ATP6V0A4: variants seen among roughly 807,000 people sequenced by gnomAD.
The protein encoded by ATP6V0A4 is V-type proton ATPase 116 kDa subunit a 4.
Under a neutral mutation model 107.3 loss-of-function variants are expected in ATP6V0A4, and 86 were observed. The observed-to-expected ratio is 0.80, with a 90% CI of 0.67 to 0.96. The LOEUF (loss-of-function observed/expected upper bound fraction) is 0.96, where lower values mean the gene tolerates loss of function less well. ATP6V0A4 is among the 40% of genes least tolerant of loss of function. The pLI is 0.00. For missense variants in ATP6V0A4, 908 were observed against 1,045.6 expected, an observed-to-expected ratio of 0.87 and a Z score of 1.81; for synonymous variants, 353 against 381.4, an observed-to-expected ratio of 0.93 and a Z score of 0.87.
intron 2 of ATP6V0A4, 25 bp from the exon 3 acceptor site, chr7:138,771,289 T>A (rs1383031786): frequency 6.2e-7 from 1 of 1,609,916 alleles, no homozygotes; most frequent in Non-Finnish European, 8.5e-7. Flanking sequence ...GAAAAAGATA[T>A]TAATATTTAA....
chr7:138,770,291 A>G lies in ATP6V0A4; in HGVS notation c.117+840T>C, dbSNP rs1186239674. Among the ~76,000 whole-genome samples, 3 of 152,170 alleles carry G rather than the reference A, an allele frequency of 2.0e-5. No individual in the cohort carries two copies. In the East Asian group the frequency reaches 5.8e-4, roughly 29 times the overall value. On this transcript the variant is annotated intron_variant, in intron 3 of 21. Coordinates refer to ENST00000310018, the MANE Select transcript of ATP6V0A4 (RefSeq NM_020632.3). ...AGGAAGAAAGGAAGGAAGGAAGGAAAGGAAGTCTGTCCTCATCTAAGTTTA... is the reference window on the plus strand; with the variant it reads ...AGGAAGAAAGGAAGGAAGGAAGGAAGGGAAGTCTGTCCTCATCTAAGTTTA...
Position 138,709,657 on chromosome 7 carries a change from A to G in ATP6V0A4, c.2396T>C (p.Leu799Pro), listed in dbSNP as rs1803633271. The change falls in exon 21 of 22, where the codon CTC (leucine) becomes CCC (proline). Residue 799 changes from leucine (L) to proline (P), a missense_variant. Transcript: ENST00000310018. ...TCGCAGGGCGTGCAGGAAAGCAGAGAGGCCCTCCATGATCAGAAGGATGGC... is the reference window on the plus strand; with the variant it reads ...TCGCAGGGCGTGCAGGAAAGCAGAGGGGCCCTCCATGATCAGAAGGATGGC... ...TVAILLIMEGLSAFLHALRLH... is the reference protein window; with the variant it reads ...TVAILLIMEGPSAFLHALRLH... The G allele has an allele frequency of 2.5e-6, 4 of 1,613,272 alleles. No individual in the cohort carries two copies. In the Admixed American group the frequency reaches 5.0e-5, roughly 20 times the overall value.
At chr7:138,723,069 A>AG (rs1554390973) in intron 18 of ATP6V0A4, among the ~76,000 whole-genome samples, 55 of 151,738 alleles carry the variant, frequency 3.6e-4, no homozygotes, top group Non-Finnish European at 3.7e-4. Context: ...AAAAAAAAAA[A>AG]AAAGAAAAAT....
chr7:138,755,668 G>A (rs1285035481), intron 10 of ATP6V0A4, 21 bp downstream of exon 10: 3 of 1,613,162 alleles, frequency 1.9e-6, no homozygotes, highest in Non-Finnish European at 2.5e-6. Context: ...ATCAGACCAT[G>A]CGCCCAAACC....
At chr7:138,780,861 T>C (rs1807886544) in intron 2 of ATP6V0A4, among the ~76,000 whole-genome samples, 3 of 151,934 alleles carry the variant, frequency 2.0e-5, no homozygotes, top group African/African-American at 7.3e-5. Context: ...TCCGAGATCA[T>C]GCCTCTGCAC....
At chr7:138,762,870 C>G in intron 6 of ATP6V0A4, 30 bp downstream of exon 6, 2 of 1,611,090 alleles carry the variant, frequency 1.2e-6, no homozygotes, top group Non-Finnish European at 1.7e-6. Flanking sequence ...GAGGAACGGG[C>G]CCTTTAGTAA....
chr7:138,720,838 T>G (rs1804391091), intron 19 of ATP6V0A4, among the ~76,000 whole-genome samples: 1 of 152,122 alleles, frequency 6.6e-6, no homozygotes, highest in African/African-American at 2.4e-5. Context: ...GGTTTCACCA[T>G]GTTGACCAGG....
intron 5 of ATP6V0A4, among the ~76,000 whole-genome samples, chr7:138,768,063 A>G (rs1435394017): frequency 1.3e-5 from 2 of 152,108 alleles, no homozygotes; most frequent in Admixed American, 1.3e-4. Flanking sequence ...CCTCCCAAGT[A>G]GCTGGGATTA....
intron 5 of ATP6V0A4, among the ~76,000 whole-genome samples, chr7:138,766,453 G>C (rs754226502): frequency 1.3e-5 from 2 of 151,864 alleles, no homozygotes; most frequent in African/African-American, 4.8e-5. Flanking sequence ...CAATACACCC[G>C]CCTTGGCTTC....
chr7:138,728,717 C>T (rs1229208639), intron 18 of ATP6V0A4, 44 bp downstream of exon 18: 2 of 1,612,358 alleles, frequency 1.2e-6, no homozygotes, highest in Non-Finnish European at 1.7e-6. Context: ...CAGAAACCCA[C>T]ATTCTTATGC....
chr7:138,710,626 C>T (rs6967352), intron 20 of ATP6V0A4, among the ~76,000 whole-genome samples: 2,209 of 152,246 alleles, frequency 0.015, 35 homozygotes, highest in East Asian at 0.066. Context: ...GATTGAAATC[C>T]TAACCACATT....
At chr7:138,792,762 GTTTGTTTTTTTT>G (rs1563025219) in intron 1 of ATP6V0A4, among the ~76,000 whole-genome samples, 2 of 73,802 alleles carry the variant, frequency 2.7e-5, no homozygotes, top group Non-Finnish European at 5.1e-5. Flanking sequence ...CCAAACTCAG[GTTTGTTTTTTTT>G]TTTGTTGTTT....
At chr7:138,792,775 T>TG (rs1022069449) in intron 1 of ATP6V0A4, among the ~76,000 whole-genome samples, 5 of 35,058 alleles carry the variant, frequency 1.4e-4, no homozygotes, top group African/African-American at 4.7e-4. Context: ...TGTTTTTTTT[T>TG]TTGTTGTTTT....
Position 138,773,261 on chromosome 7 carries a change from T to C in ATP6V0A4, c.-17-1997A>G, listed in dbSNP as rs1261306787. Among the ~76,000 whole-genome samples, 1 of 152,118 alleles carries C rather than the reference T, an allele frequency of 6.6e-6. No homozygotes were observed. The highest frequency in any genetic ancestry group is 2.4e-5 in the African/African-American group (1 of 41,424). On this transcript the variant is annotated intron_variant, in intron 2 of 21. Coordinates refer to ENST00000310018, the MANE Select transcript of ATP6V0A4 (RefSeq NM_020632.3). This position sits in a 1 kb window ranked among gnomAD's most constrained non-coding sequence, Gnocchi z 5.4. ...GGCCTCTCCAGGGACCCTGCATTTC[T>C]CCCAGCTCCCACCCCCTTCAGGCCC...
chr7:138,719,030 CA>C (rs1369009037), intron 19 of ATP6V0A4, among the ~76,000 whole-genome samples: 1 of 151,596 alleles, frequency 6.6e-6, no homozygotes, highest in African/African-American at 2.4e-5. Flanking sequence ...ACCAAAAATT[CA>C]AAAAATTAGG....
intron 21 of ATP6V0A4, among the ~76,000 whole-genome samples, chr7:138,707,336 A>ATTTAT (rs1554386005): frequency 1.5e-5 from 1 of 66,826 alleles, no homozygotes; most frequent in Non-Finnish European, 2.8e-5. Context: ...TTATATTTAT[A>ATTTAT]ATATATATAT....
chr7:138,728,615 G>C, intron 18 of ATP6V0A4, 146 bp downstream of exon 18: 1 of 1,123,858 alleles, frequency 8.9e-7, no homozygotes, highest in Non-Finnish European at 1.3e-6. Flanking sequence ...TCCACAGAAC[G>C]AAACATACTC....
chr7:138,766,657 T>A (rs1372818526), intron 5 of ATP6V0A4, among the ~76,000 whole-genome samples: 2 of 152,112 alleles, frequency 1.3e-5, no homozygotes, highest in African/African-American at 4.8e-5. Flanking sequence ...CAGAAAAGCT[T>A]ATTAATATCA....
In ATP6V0A4 at chr7:138,709,944, C is replaced by T. The variant is rs919173033; in HGVS notation, c.2258-149G>A. ...GCCTAGGATGGTCTCCAACTCCTGG[C>T]CTGAAGCAATCCTCCTGTCTCAGCC... On this transcript the variant is annotated intron_variant, in intron 20 of 21. Transcript: ENST00000310018. The T allele has an allele frequency of 8.0e-6, 7 of 870,364 alleles. No homozygotes were observed. The African/African-American group carries it at 1.1e-4, about 14-fold the overall frequency. The allele number at this position is 870,364 out of a possible 1,614,324, so 53.9% of individuals were successfully genotyped here. A position where few individuals can be genotyped will look rare whatever the true frequency, so the allele number is the denominator to read the frequency against.
Sources: allele counts gnomAD v4.1 joint callset (sites outside exome capture counted in the v4.1 genomes callset), GRCh38; gene constraint gnomAD v4.1.1; non-coding constraint Gnocchi (gnomAD v3.1); transcripts MANE v1.5; gene names NCBI Gene and HGNC (gene_info 2026-07-23, HGNC 2026-07-21).